Variants in PTPRO observed in about 807,000 individuals in gnomAD.
The protein encoded by PTPRO is receptor-type tyrosine-protein phosphatase O.
PTPRO carries 62 observed loss-of-function variants against 145.2 expected under a neutral mutation model. That is an observed-to-expected ratio of 0.43 (90% confidence interval 0.35 to 0.53). The LOEUF (loss-of-function observed/expected upper bound fraction) is 0.53, where lower values mean the gene tolerates loss of function less well. Ranked by LOEUF, PTPRO falls within the 20% of genes least tolerant of loss-of-function variation. PTPRO has a pLI of 0.01. For missense variants in PTPRO, 1,345 were observed against 1,482.7 expected, an observed-to-expected ratio of 0.91 and a Z score of 1.53; for synonymous variants, 565 against 514.7, an observed-to-expected ratio of 1.10 and a Z score of -1.32.
chr12:15,471,937 T>C (rs765957344), intron 1 of PTPRO, among the ~76,000 whole-genome samples: 11 of 152,116 alleles, frequency 7.2e-5, no homozygotes, highest in Non-Finnish European at 1.3e-4. Flanking sequence ...CTGAAGAAAC[T>C]GAAAAGAAAG....
intron 2 of PTPRO, among the ~76,000 whole-genome samples, chr12:15,488,441 T>C (rs1941935351): frequency 6.6e-6 from 1 of 152,202 alleles, no homozygotes; most frequent in Non-Finnish European, 1.5e-5. Flanking sequence ...ATGACTAAGA[T>C]AAATTTTGAG....
At chr12:15,468,036 C>G (rs993905140) in intron 1 of PTPRO, among the ~76,000 whole-genome samples, 2 of 152,122 alleles carry the variant, frequency 1.3e-5, no homozygotes, top group Non-Finnish European at 2.9e-5. Flanking sequence ...CTTGGGGGCT[C>G]TCATCTTATA....
At chr12:15,513,308 ACTCT>A (rs1000178626) in intron 7 of PTPRO, among the ~76,000 whole-genome samples, 2 of 150,336 alleles carry the variant, frequency 1.3e-5, no homozygotes, top group East Asian at 3.9e-4. Context: ...AGGAAGGGAA[ACTCT>A]CTATCAGATG....
At chr12:15,464,866 A>T (rs111286903) in intron 1 of PTPRO, among the ~76,000 whole-genome samples, 9 of 152,230 alleles carry the variant, frequency 5.9e-5, no homozygotes, top group African/African-American at 2.2e-4. Flanking sequence ...TTCTATGAAA[A>T]TTTTCAACAT....
At chr12:15,325,525 A>G (rs185608264) in intron 1 of PTPRO, among the ~76,000 whole-genome samples, 61 of 152,316 alleles carry the variant, frequency 4.0e-4, no homozygotes, top group African/African-American at 1.4e-3. Flanking sequence ...TTTTATTTTT[A>G]TATCAATATT....
chr12:15,551,768 A>T (rs1943467855), intron 15 of PTPRO, 97 bp downstream of exon 15: 1 of 1,357,988 alleles, frequency 7.4e-7, no homozygotes, highest in African/African-American at 1.5e-5. Flanking sequence ...GTATAGCGGT[A>T]TATTGGATTT....
chr12:15,387,310 A>G lies in PTPRO; in HGVS notation c.75+64509A>G, dbSNP rs1330486838. ...TGGTCTTTAGCCTTGTCCAATAAAA[A>G]TAGTTATTGTTAAAAGTCCAAACTC... On this transcript the variant is annotated intron_variant, in intron 1 of 26. Coordinates refer to ENST00000281171, the MANE Select transcript of PTPRO (RefSeq NM_030667.3). 2.0e-5 allele frequency among the ~76,000 whole-genome samples: 3 copies of G among 148,230 alleles called. No individual in the cohort carries two copies. The East Asian group carries it at 6.1e-4, about 30-fold the overall frequency.
intron 1 of PTPRO, among the ~76,000 whole-genome samples, chr12:15,332,499 GTTTC>G (rs747714473): frequency 3.3e-5 from 5 of 152,068 alleles, no homozygotes; most frequent in Non-Finnish European, 5.9e-5. Context: ...CATGTAAAAT[GTTTC>G]TTTGAGTTTT....
At chr12:15,440,240 A>G (rs906352470) in intron 1 of PTPRO, 9 of 635,426 alleles carry the variant, frequency 1.4e-5, no homozygotes, top group Admixed American at 4.7e-5. Context: ...TTCCAAGGCC[A>G]CCTTTGATGC....
intron 3 of PTPRO, among the ~76,000 whole-genome samples, chr12:15,498,803 A>G (rs184498477): frequency 1.4e-4 from 22 of 152,336 alleles, no homozygotes; most frequent in African/African-American, 5.3e-4. Flanking sequence ...AATAATTAAT[A>G]TAATCCCATT....
chr12:15,425,084 T>G (rs376056988), intron 1 of PTPRO, among the ~76,000 whole-genome samples: 3 of 152,176 alleles, frequency 2.0e-5, no homozygotes, highest in Non-Finnish European at 4.4e-5. Flanking sequence ...ATATTTGTTG[T>G]TGTTTGCATT....
chr12:15,563,535 C>A (rs536554607), intron 17 of PTPRO, among the ~76,000 whole-genome samples: 1 of 151,934 alleles, frequency 6.6e-6, no homozygotes, highest in South Asian at 2.1e-4. Flanking sequence ...CTAAATAGAA[C>A]AATGAAAATT....
chr12:15,493,458 T>G (rs1199594843), intron 2 of PTPRO, among the ~76,000 whole-genome samples: 1 of 151,920 alleles, frequency 6.6e-6, no homozygotes, highest in African/African-American at 2.4e-5. Context: ...GTGTTACAAA[T>G]TAGCAGGAGA....
intron 1 of PTPRO, among the ~76,000 whole-genome samples, chr12:15,421,177 T>C (rs1268101704): frequency 1.3e-5 from 2 of 152,218 alleles, no homozygotes; most frequent in Non-Finnish European, 2.9e-5. Flanking sequence ...ACTTTCTACA[T>C]AGAACCACAG....
intron 12 of PTPRO, among the ~76,000 whole-genome samples, chr12:15,528,174 G>GA (rs1308562550): frequency 1.3e-5 from 2 of 150,822 alleles, no homozygotes; most frequent in Admixed American, 6.6e-5. Context: ...CATTGGAGGA[G>GA]AAAAAAGAAA....
At position 15,484,028 on chromosome 12, in the gene PTPRO, T is replaced by C. The variant is rs1941834874; in HGVS notation, c.130T>C (p.Leu44=). ...AGATGATAATAACATCGTTGTCTCA[T>C]TAGAAGCTTCAGACGTCATCAGTCC... ...VQDDNNIVVS[L]EASDVISPAS... is the part of the protein sequence containing the mutation. The change falls in exon 2 of 27, where the codon TTA becomes CTA. Residue 44 remains leucine (L), a synonymous_variant. Coordinates refer to ENST00000281171, the MANE Select transcript of PTPRO (RefSeq NM_030667.3). 3 of 1,613,636 alleles carry C rather than the reference T, an allele frequency of 1.9e-6. No individual in the cohort carries two copies. In the African/African-American group the frequency reaches 4.0e-5, roughly 22 times the overall value.
intron 2 of PTPRO, among the ~76,000 whole-genome samples, chr12:15,484,615 G>A (rs1941848921): frequency 6.6e-6 from 1 of 152,024 alleles, no homozygotes; most frequent in Admixed American, 6.6e-5. Context: ...AAGCAATTCA[G>A]TTTGGGGACA....
chr12:15,571,767 G>T (rs1300274768), intron 19 of PTPRO, among the ~76,000 whole-genome samples: 1 of 152,208 alleles, frequency 6.6e-6, no homozygotes, highest in African/African-American at 2.4e-5. Context: ...ATCACAGCCA[G>T]AGAGGGCAGA....
At chr12:15,586,528 G>A (rs1455872225) in intron 23 of PTPRO, among the ~76,000 whole-genome samples, 1 of 152,216 alleles carries the variant, frequency 6.6e-6, no homozygotes, top group Non-Finnish European at 1.5e-5. Flanking sequence ...TGGGAAAAGT[G>A]TGTCCCAGGC....
Sources: gnomAD v4.1 joint callset for allele counts (sites outside exome capture counted in the v4.1 genomes callset) on GRCh38, gnomAD v4.1.1 for gene constraint, MANE v1.5 for transcripts, NCBI Gene and HGNC (gene_info 2026-07-23, HGNC 2026-07-21) for gene names.